The following DPP6 variants were observed in gnomAD, a reference collection of about 807,000 sequenced individuals.
DPP6 encodes the protein A-type potassium channel modulatory protein DPP6.
A neutral mutation model predicts 122.6 loss-of-function variants in DPP6; 69 were observed. The ratio of observed to expected loss-of-function variants is 0.56; its 90% CI spans 0.46 to 0.69. DPP6 has a LOEUF of 0.69. DPP6 is among the 30% of genes least tolerant of loss of function. The pLI is 0.00. For missense variants in DPP6, 928 were observed against 1,116.9 expected, an observed-to-expected ratio of 0.83 and a Z score of 2.41; for synonymous variants, 418 against 433.1, an observed-to-expected ratio of 0.97 and a Z score of 0.43.
intron 1 of DPP6, among the ~76,000 whole-genome samples, chr7:154,120,005 C>T (rs1585416704): frequency 1.3e-5 from 2 of 151,952 alleles, no homozygotes. Flanking sequence ...CCCCACTCGA[C>T]AGACCTTTAC....
At chr7:153,799,107 A>G in the DPP6 span, among the ~76,000 whole-genome samples, 384 of 152,342 alleles carry the variant, frequency 2.5e-3, 4 homozygotes, top group African/African-American at 9.0e-3. Flanking sequence ...CTGGGGGTCA[A>G]GGACCCCTGC....
chr7:154,422,245 G>C (rs1054767133), intron 1 of DPP6, among the ~76,000 whole-genome samples: 2 of 152,162 alleles, frequency 1.3e-5, no homozygotes, highest in African/African-American at 4.8e-5. Flanking sequence ...ATCAGGTTGA[G>C]GCTGGTCTGC....
chr7:154,742,483 T>C (rs1413125259), intron 8 of DPP6, among the ~76,000 whole-genome samples: 1 of 152,154 alleles, frequency 6.6e-6, no homozygotes, highest in Non-Finnish European at 1.5e-5. Flanking sequence ...AACTCAAGAG[T>C]TCATTCCTAA....
At chr7:154,634,642 T>TTCCTCC (rs137927151) in intron 5 of DPP6, among the ~76,000 whole-genome samples, 1 of 151,014 alleles carries the variant, frequency 6.6e-6, no homozygotes. Flanking sequence ...CCTCCTCTTC[T>TTCCTCC]TCCTCCTCCT....
intron 1 of DPP6, among the ~76,000 whole-genome samples, chr7:154,402,950 C>T (rs1264304183): frequency 6.6e-6 from 1 of 152,268 alleles, no homozygotes; most frequent in East Asian, 1.9e-4. Context: ...AAAGCACATA[C>T]ATTTTGTTCA....
intron 7 of DPP6, among the ~76,000 whole-genome samples, chr7:154,685,382 G>T (rs1839535322): frequency 6.6e-6 from 1 of 152,218 alleles, no homozygotes; most frequent in Admixed American, 6.5e-5. Flanking sequence ...ACTTCAACTT[G>T]TGTAACTACG....
chr7:154,875,415 G>T lies in DPP6; in HGVS notation c.1884-491G>T, dbSNP rs1042765137. 3.3e-5 allele frequency among the ~76,000 whole-genome samples: 5 copies of T among 152,210 alleles called. No homozygotes were observed. Among genetic ancestry groups the T allele is most frequent in the East Asian group, 1.9e-4 (1 of 5,178 alleles). ...GAGGGAGAAAGGCCACCCATATGGC[G>T]GGTTTGCTGTTACTTCCGACTTAAC... is the stretch of plus-strand genomic sequence containing the variant. On this transcript the variant is annotated intron_variant, in intron 19 of 25. Coordinates refer to ENST00000377770, the MANE Select transcript of DPP6 (RefSeq NM_130797.4). This position sits in a 1 kb window ranked among gnomAD's most constrained non-coding sequence, Gnocchi z 4.5.
At chr7:154,157,907 T>C (rs1796766729) in intron 1 of DPP6, among the ~76,000 whole-genome samples, 1 of 150,962 alleles carries the variant, frequency 6.6e-6, no homozygotes, top group South Asian at 2.1e-4. Context: ...CACTCCAGCC[T>C]GGGCAACAAG....
intron 2 of DPP6, among the ~76,000 whole-genome samples, chr7:154,451,232 G>C (rs988920717): frequency 2.0e-5 from 3 of 152,080 alleles, no homozygotes; most frequent in African/African-American, 4.8e-5. Context: ...TTGGTGGCAG[G>C]TGCCTGTAAT....
At chr7:154,705,614 C>T (rs180833743) in intron 7 of DPP6, among the ~76,000 whole-genome samples, 1 of 152,160 alleles carries the variant, frequency 6.6e-6, no homozygotes, top group African/African-American at 2.4e-5. Flanking sequence ...GCTGGGGTGG[C>T]AGGGATGGAA....
rs1585675962 is a variant in DPP6, at chr7:154,225,715, TATTTAAAGAA to T, written c.243+172653_243+172662del. Among the ~76,000 whole-genome samples, 7 of 152,284 alleles carry T rather than the reference TATTTAAAGAA, an allele frequency of 4.6e-5. No individual in the cohort carries two copies. The East Asian group carries it at 1.4e-3, about 29-fold the overall frequency. ...CCTATTCTATCGATAAATAGCCTGA[TATTTAAAGAA>T]CAGAGACATTTACTAACTTTTCTAA... On this transcript the variant is annotated intron_variant, in intron 1 of 25. Transcript: ENST00000377770.
At chr7:153,866,102 A>G in the DPP6 span, among the ~76,000 whole-genome samples, 3 of 152,200 alleles carry the variant, frequency 2.0e-5, no homozygotes, top group East Asian at 5.8e-4. Context: ...GAATAGTGCC[A>G]CAATAAACAT....
At position 154,260,756 on chromosome 7, in the gene DPP6, A is replaced by G. The variant is rs555861373; in HGVS notation, c.244-185458A>G. ...TATATATGTATAATATATATATTAT[A>G]TATATTCTTGCAATTGTGAATTGTG... On this transcript the variant is annotated intron_variant, in intron 1 of 25. Transcript: ENST00000377770. Among the ~76,000 whole-genome samples the G allele has an allele frequency of 2.0e-4, 30 of 147,980 alleles. No individual in the cohort carries two copies. In the South Asian group the frequency reaches 6.1e-3, roughly 30 times the overall value.
intron 5 of DPP6, chr7:154,588,125 A>C (rs79724655): frequency 6.4e-7 from 1 of 1,572,566 alleles, no homozygotes; most frequent in Admixed American, 1.7e-5. Context: ...TGTTCCTTCA[A>C]CACTGGTGGA....
intron 1 of DPP6, among the ~76,000 whole-genome samples, chr7:153,896,245 C>T (rs1799409548): frequency 1.3e-5 from 2 of 152,200 alleles, no homozygotes; most frequent in African/African-American, 4.8e-5. Context: ...CTGACAGAAA[C>T]TCAACTACAA....
chr7:154,097,109 C>T lies in DPP6; in HGVS notation c.243+44046C>T, dbSNP rs1255800417. ...AGGACGCCCAGCCTCCCCTTGCTGG[C>T]CTCCTAGCAGTCTCGTCAGTTTTTC... On this transcript the variant is annotated intron_variant, in intron 1 of 25. Coordinates refer to ENST00000377770, the MANE Select transcript of DPP6 (RefSeq NM_130797.4). Among the ~76,000 whole-genome samples, 4 of 152,360 alleles carry T rather than the reference C, an allele frequency of 2.6e-5. No individual in the cohort carries two copies. In the East Asian group the frequency reaches 7.7e-4, roughly 29 times the overall value.
chr7:153,774,785 C>T, the DPP6 span, among the ~76,000 whole-genome samples: 6 of 152,000 alleles, frequency 3.9e-5, no homozygotes, highest in African/African-American at 1.4e-4. Flanking sequence ...GGCAACAGAG[C>T]AAGACGTCGT....
chr7:154,816,236 TCAA>T (rs1471291478), intron 16 of DPP6, among the ~76,000 whole-genome samples: 2 of 152,126 alleles, frequency 1.3e-5, no homozygotes, highest in African/African-American at 4.8e-5. Context: ...TTACCTAGAG[TCAA>T]CTATGCTCTG....
chr7:154,728,083 G>C (rs1457561211), intron 8 of DPP6, among the ~76,000 whole-genome samples, 196 bp downstream of exon 8: 2 of 152,252 alleles, frequency 1.3e-5, no homozygotes, highest in Non-Finnish European at 2.9e-5. Flanking sequence ...GCATCAGGCT[G>C]TTGTCAGGGG....
Sources: gnomAD v4.1 joint callset for allele counts (sites outside exome capture counted in the v4.1 genomes callset) on GRCh38, gnomAD v4.1.1 for gene constraint, Gnocchi (gnomAD v3.1) non-coding constraint, MANE v1.5 for transcripts, NCBI Gene and HGNC (gene_info 2026-07-23, HGNC 2026-07-21) for gene names.